CLECL1: variants seen among roughly 807,000 people sequenced by gnomAD.
CLECL1 encodes C-type lectin-like domain family 1.
exon 4 of CLECL1, chr12:9,722,663 A>G: frequency 6.2e-7 from 1 of 1,613,800 alleles, no homozygotes; most frequent in Non-Finnish European, 8.5e-7. Flanking sequence ...AATGTCTTGA[A>G]TCACCATGAG....
chr12:9,715,102 T>C (rs1268903489), downstream of CLECL1, among the ~76,000 whole-genome samples: 1 of 152,212 alleles, frequency 6.6e-6, no homozygotes, highest in Non-Finnish European at 1.5e-5. Context: ...TTTTCCTTTT[T>C]TGGAGCCAAA....
chr12:9,716,247 C>G (rs1294514900), exon 3 of CLECL1: 1 of 152,388 alleles, frequency 6.6e-6, no homozygotes, highest in Admixed American at 6.5e-5. Flanking sequence ...CTTTTCCATG[C>G]TTTTCCTGGA....
downstream of CLECL1, among the ~76,000 whole-genome samples, chr12:9,713,521 CTTG>C (rs1866213435): frequency 3.3e-5 from 5 of 152,326 alleles, no homozygotes; most frequent in South Asian, 6.2e-4. Flanking sequence ...GTTTTACTTT[CTTG>C]TTGTTTTTTT....
chr12:9,734,272 A>G (rs1228826754), upstream of CLECL1, among the ~76,000 whole-genome samples: 1 of 152,206 alleles, frequency 6.6e-6, no homozygotes, highest in Non-Finnish European at 1.5e-5. Flanking sequence ...TCCCTCCTAT[A>G]AAGACCAACT....
chr12:9,707,543 G>A, the CLECL1 span, among the ~76,000 whole-genome samples: 1 of 152,152 alleles, frequency 6.6e-6, no homozygotes, highest in Admixed American at 6.5e-5. Flanking sequence ...CTGCCCTACT[G>A]CCATGAGGTT....
downstream of CLECL1, chr12:9,718,551 C>A (rs1269031388): frequency 2.1e-6 from 1 of 483,626 alleles, no homozygotes; most frequent in Non-Finnish European, 3.6e-6. Context: ...TTGTACTACT[C>A]CAAAATTCAT....
At chr12:9,706,142 A>G in the CLECL1 span, among the ~76,000 whole-genome samples, 3 of 152,056 alleles carry the variant, frequency 2.0e-5, no homozygotes, top group East Asian at 5.8e-4. Flanking sequence ...AGCAATTGTG[A>G]TTTGGCTCTC....
intron 1 of CLECL1, among the ~76,000 whole-genome samples, chr12:9,732,421 C>T (rs907657857): frequency 6.6e-6 from 1 of 152,172 alleles, no homozygotes; most frequent in Admixed American, 6.5e-5. Context: ...TGCTTATCGC[C>T]TCTGATTCCA....
At chr12:9,715,612 T>G (rs1419734944), downstream of CLECL1, among the ~76,000 whole-genome samples, 2 of 152,202 alleles carry the variant, frequency 1.3e-5, no homozygotes, top group Admixed American at 1.3e-4. Context: ...GAAGAAGTAT[T>G]GGAAGCTTTT....
upstream of CLECL1, chr12:9,733,216 T>C (rs1351317061): frequency 2.5e-6 from 4 of 1,613,312 alleles, no homozygotes; most frequent in Admixed American, 6.7e-5. Context: ...CTAATCAAGG[T>C]AGCAGATTTC....
At chr12:9,721,859 A>G (rs1008727647), downstream of CLECL1, among the ~76,000 whole-genome samples, 2 of 152,218 alleles carry the variant, frequency 1.3e-5, no homozygotes, top group Admixed American at 6.5e-5. Context: ...TTGGGGTAAC[A>G]CTAGTTTCAC....
the CLECL1 span, among the ~76,000 whole-genome samples, chr12:9,705,640 C>T: frequency 0.014 from 2,124 of 152,206 alleles, 39 homozygotes; most frequent in African/African-American, 0.042. Flanking sequence ...GTTCTCCCAG[C>T]ACTATTTACA....
downstream of CLECL1, chr12:9,722,438 A>G (rs1866324419): frequency 8.0e-6 from 8 of 1,005,110 alleles, no homozygotes; most frequent in Admixed American, 2.9e-4. Flanking sequence ...GGTATAAAAC[A>G]TAAAATGAAT....
downstream of CLECL1, among the ~76,000 whole-genome samples, chr12:9,714,304 C>T (rs1360898447): frequency 2.0e-5 from 3 of 152,146 alleles, no homozygotes; most frequent in African/African-American, 7.2e-5. Context: ...ACGGGAAGCA[C>T]AGACTGGGAA....
chr12:9,715,111 A>C (rs915347055), downstream of CLECL1, among the ~76,000 whole-genome samples: 1 of 152,284 alleles, frequency 6.6e-6, no homozygotes, highest in African/African-American at 2.4e-5. Context: ...TTTGGAGCCA[A>C]ACAGGATCTT....
chr12:9,708,078 G>A, the CLECL1 span, among the ~76,000 whole-genome samples: 4 of 152,308 alleles, frequency 2.6e-5, no homozygotes, highest in South Asian at 6.2e-4. Context: ...CAGCAGCCAC[G>A]AGGAGGGTGG....
the CLECL1 span, chr12:9,704,288 T>C: frequency 6.6e-6 from 1 of 152,244 alleles, no homozygotes; most frequent in Non-Finnish European, 1.5e-5. Flanking sequence ...TCTTCACAAA[T>C]ATTACATATT....
chr12:9,731,306 G>A (rs192588129), intron 1 of CLECL1, among the ~76,000 whole-genome samples: 7 of 152,240 alleles, frequency 4.6e-5, no homozygotes, highest in Admixed American at 2.0e-4. Flanking sequence ...TACTTATCAA[G>A]CATCTATTAA....
chr12:9,704,644 A>C, the CLECL1 span, among the ~76,000 whole-genome samples: 1 of 152,140 alleles, frequency 6.6e-6, no homozygotes, highest in Non-Finnish European at 1.5e-5. Flanking sequence ...TCTCACTTAC[A>C]AGTGAGAACA....
Sources: allele counts gnomAD v4.1 joint callset (sites outside exome capture counted in the v4.1 genomes callset), GRCh38; gene constraint gnomAD v4.1.1; transcripts MANE v1.5; gene names NCBI Gene and HGNC (gene_info 2026-07-23, HGNC 2026-07-21).